Variants in RTL4 observed in about 807,000 individuals in gnomAD.
The protein encoded by RTL4 is retrotransposon Gag-like protein 4.
In RTL4, 4 loss-of-function variants were observed where a neutral mutation model predicts 5.3. The ratio of observed to expected loss-of-function variants is 0.75; its 90% CI spans 0.37 to 1.72. The LOEUF (loss-of-function observed/expected upper bound fraction) is 1.72, where lower values mean the gene tolerates loss of function less well. Among genes scored for constraint, RTL4 ranks in the 40% most tolerant of loss-of-function variants. The probability of loss-of-function intolerance (pLI) is 0.04; values close to 1 mark genes in which losing one functional copy is unlikely to be tolerated. For synonymous variants in RTL4, 98 were observed against 87.3 expected, an observed-to-expected ratio of 1.12 and a Z score of -0.68; for missense variants, 260 against 227.1, an observed-to-expected ratio of 1.14 and a Z score of -0.93.
the RTL4 span, among the ~76,000 whole-genome samples, chrX:112,138,560 C>T: frequency 8.1e-5 from 9 of 110,573 alleles, no homozygotes; most frequent in African/African-American, 2.6e-4. Context: ...TTTTTTATAA[C>T]ATCAATCATA....
chrX:112,406,087 A>G, the RTL4 span, among the ~76,000 whole-genome samples: 1 of 111,498 alleles, frequency 9.0e-6, no homozygotes, highest in African/African-American at 3.3e-5. Context: ...GAGTTCCTGT[A>G]ACACTTGCCA....
the RTL4 span, among the ~76,000 whole-genome samples, chrX:112,326,370 G>C: frequency 3.6e-5 from 4 of 111,624 alleles, no homozygotes; most frequent in East Asian, 2.8e-4. Context: ...AGTTCCCTTT[G>C]CTAGTCAAAG....
chrX:112,451,553 T>C (rs1027174136), upstream of RTL4, among the ~76,000 whole-genome samples: 2 of 112,111 alleles, frequency 1.8e-5, no homozygotes, highest in African/African-American at 6.5e-5. Flanking sequence ...CTAATCTCTC[T>C]TCATCTCATT....
At chrX:112,413,979 G>C in the RTL4 span, among the ~76,000 whole-genome samples, 5 of 110,629 alleles carry the variant, frequency 4.5e-5, no homozygotes, top group Non-Finnish European at 9.5e-5. Flanking sequence ...TACCTACTAT[G>C]TACCCACAAA....
At chrX:112,374,667 T>G in the RTL4 span, among the ~76,000 whole-genome samples, 1 of 112,117 alleles carries the variant, frequency 8.9e-6, no homozygotes, top group Admixed American at 9.4e-5. Context: ...GTCTCCAAAT[T>G]TTTCTACAAT....
the RTL4 span, among the ~76,000 whole-genome samples, chrX:112,284,114 G>A: frequency 9.2e-6 from 1 of 108,497 alleles, no homozygotes; most frequent in Non-Finnish European, 1.9e-5. Context: ...AGTTCATAGA[G>A]CTTTAGAGCA....
the RTL4 span, among the ~76,000 whole-genome samples, chrX:112,188,593 A>G: frequency 1.8e-5 from 2 of 111,593 alleles, no homozygotes; most frequent in Admixed American, 9.6e-5. Context: ...TCCTGACTGC[A>G]TTTTACTGAT....
the RTL4 span, among the ~76,000 whole-genome samples, chrX:112,404,582 A>G: frequency 1.9e-3 from 210 of 112,556 alleles, no homozygotes; most frequent in African/African-American, 6.7e-3. Flanking sequence ...TTGAAGTTTT[A>G]TAGTAAAAAA....
the RTL4 span, among the ~76,000 whole-genome samples, chrX:112,165,204 T>C: frequency 1.8e-5 from 2 of 112,302 alleles, no homozygotes. Context: ...ATATAGCATA[T>C]TTCCATCCTT....
chrX:112,162,489 G>A, the RTL4 span, among the ~76,000 whole-genome samples: 1 of 111,432 alleles, frequency 9.0e-6, no homozygotes, highest in African/African-American at 3.3e-5. Context: ...GAAATGATTT[G>A]CCTGACACTG....
the RTL4 span, among the ~76,000 whole-genome samples, chrX:112,254,382 T>C: frequency 9.2e-6 from 1 of 109,064 alleles, no homozygotes; most frequent in Non-Finnish European, 1.9e-5. Flanking sequence ...CAGGCTGGAG[T>C]GCAGTGGTGC....
chrX:112,218,147 C>T, the RTL4 span, among the ~76,000 whole-genome samples: 1 of 112,012 alleles, frequency 8.9e-6, no homozygotes, highest in Non-Finnish European at 1.9e-5. Flanking sequence ...TGCCTAGTAG[C>T]TTGTCAAGAG....
At chrX:112,103,394 G>A in the RTL4 span, among the ~76,000 whole-genome samples, 6 of 111,051 alleles carry the variant, frequency 5.4e-5, no homozygotes, top group African/African-American at 2.0e-4. Context: ...ACATGAGGAG[G>A]GAAACAACAC....
At chrX:112,390,309 G>A in the RTL4 span, among the ~76,000 whole-genome samples, 1 of 99,945 alleles carries the variant, frequency 1.0e-5, no homozygotes, top group African/African-American at 3.7e-5. Context: ...AAAATTAAAT[G>A]GGCATGGTGG....
chrX:112,126,985 A>T, the RTL4 span, among the ~76,000 whole-genome samples: 1 of 112,336 alleles, frequency 8.9e-6, no homozygotes, highest in Non-Finnish European at 1.9e-5. Flanking sequence ...GGTGAATTCT[A>T]CAAAACATTT....
chrX:112,314,965 A>T, the RTL4 span, among the ~76,000 whole-genome samples: 19 of 111,501 alleles, frequency 1.7e-4, no homozygotes, highest in Non-Finnish European at 2.8e-4. Context: ...ATTCCTTCAT[A>T]TTGTGAAGCC....
At chrX:112,327,496 T>A in the RTL4 span, among the ~76,000 whole-genome samples, 2 of 109,386 alleles carry the variant, frequency 1.8e-5, no homozygotes, top group African/African-American at 6.7e-5. Context: ...CCAAGAAATA[T>A]GGGACTATGT....
chrX:112,420,905 T>C, the RTL4 span, among the ~76,000 whole-genome samples: 3 of 112,027 alleles, frequency 2.7e-5, no homozygotes, highest in Non-Finnish European at 5.6e-5. Context: ...TTCTGCCTAG[T>C]ATACCCTTCC....
the RTL4 span, among the ~76,000 whole-genome samples, chrX:112,188,154 C>A: frequency 1.8e-5 from 2 of 111,332 alleles, no homozygotes; most frequent in East Asian, 5.6e-4. Context: ...CATGAAATAA[C>A]TGAGGCTCAA....
Sources: gnomAD v4.1 joint callset for allele counts (sites outside exome capture counted in the v4.1 genomes callset) on GRCh38, gnomAD v4.1.1 for gene constraint, MANE v1.5 for transcripts, NCBI Gene and HGNC (gene_info 2026-07-23, HGNC 2026-07-21) for gene names.